The following ST3GAL1 variants were observed in gnomAD, a reference collection of about 807,000 sequenced individuals.
The protein encoded by ST3GAL1 is CMP-N-acetylneuraminate-beta-galactosamide-alpha-2,3-sialyltransferase 1.
In ST3GAL1, 16 loss-of-function variants were observed where a neutral mutation model predicts 34.1. The observed-to-expected ratio is 0.47, with a 90% CI of 0.32 to 0.71. The LOEUF (loss-of-function observed/expected upper bound fraction) is 0.71. Among genes scored for constraint, ST3GAL1 ranks in the 30% least tolerant of loss-of-function variants. The pLI is 0.04. For synonymous variants in ST3GAL1, 191 were observed against 184.7 expected, an observed-to-expected ratio of 1.03 and a Z score of -0.28; for missense variants, 353 against 447.4, an observed-to-expected ratio of 0.79 and a Z score of 1.90.
intron 1 of ST3GAL1, among the ~76,000 whole-genome samples, chr8:133,551,136 A>C (rs1818823615): frequency 6.6e-6 from 1 of 152,148 alleles, no homozygotes. Context: ...GCCTGCTTCT[A>C]GGTGTGCCCC....
intron 1 of ST3GAL1, among the ~76,000 whole-genome samples, chr8:133,564,482 C>G (rs1385970770): frequency 6.6e-6 from 1 of 150,606 alleles, no homozygotes; most frequent in Admixed American, 6.7e-5. Flanking sequence ...TCTTGTCATT[C>G]TCTCCTTTGG....
Position 133,556,188 on chromosome 8 carries a change from G to C in ST3GAL1, c.-581-10262C>G, listed in dbSNP as rs989113004. ...TAGGATTGCAGGCATGAGCCACCAT[G>C]CCCAGCTTGTTTTTTCTTTTTGAAT... On this transcript the variant is annotated intron_variant, in intron 1 of 9. Coordinates refer to ENST00000522652, the MANE Select transcript of ST3GAL1 (RefSeq NM_173344.3). This position sits in a 1 kb window ranked among gnomAD's most constrained non-coding sequence, Gnocchi z 8.9. 6.6e-6 allele frequency among the ~76,000 whole-genome samples: 1 copy of C among 152,080 alleles called. No individual in the cohort carries two copies. The highest frequency in any genetic ancestry group is 1.5e-5 in the Non-Finnish European group (1 of 68,010).
intron 5 of ST3GAL1, among the ~76,000 whole-genome samples, chr8:133,472,082 T>A (rs1815984430): frequency 6.6e-6 from 1 of 151,628 alleles, no homozygotes; most frequent in South Asian, 2.1e-4. Context: ...GAGGAGAGGG[T>A]CACAGGGGTC....
intron 7 of ST3GAL1, among the ~76,000 whole-genome samples, chr8:133,464,335 T>C (rs1030587491): frequency 2.6e-5 from 4 of 152,192 alleles, no homozygotes; most frequent in Non-Finnish European, 4.4e-5. Context: ...CAGCACTGCT[T>C]GCCCTGGGGA....
intron 2 of ST3GAL1, among the ~76,000 whole-genome samples, chr8:133,512,449 G>T (rs1294700206): frequency 2.0e-5 from 3 of 152,202 alleles, no homozygotes; most frequent in African/African-American, 7.2e-5. Flanking sequence ...TTGAGGGTGG[G>T]TCTGCCTCTC....
chr8:133,471,128 T>C (rs1190252647), intron 5 of ST3GAL1, among the ~76,000 whole-genome samples: 1 of 152,154 alleles, frequency 6.6e-6, no homozygotes, highest in Non-Finnish European at 1.5e-5. Context: ...CACTGGGGCC[T>C]CACCGCAGGC....
At chr8:133,525,109 C>A (rs996003710) in intron 2 of ST3GAL1, among the ~76,000 whole-genome samples, 1 of 152,224 alleles carries the variant, frequency 6.6e-6, no homozygotes, top group African/African-American at 2.4e-5. Flanking sequence ...GGTATGCAGA[C>A]AACTGGAGGG....
intron 2 of ST3GAL1, among the ~76,000 whole-genome samples, chr8:133,529,901 C>T (rs1003809123): frequency 6.6e-6 from 1 of 152,318 alleles, no homozygotes; most frequent in Admixed American, 6.5e-5. Flanking sequence ...ACCCCGGGCC[C>T]CTCTGCTGCC....
At chr8:133,488,100 G>C (rs760260404) in intron 3 of ST3GAL1, 1 of 152,120 alleles carries the variant, frequency 6.6e-6, no homozygotes, top group Non-Finnish European at 1.5e-5. Context: ...TAGATTTAAT[G>C]TATCAGCAGG....
chr8:133,459,753 C>T lies in ST3GAL1; in HGVS notation c.*11G>A, dbSNP rs1300707473. ...GTGTGACAGTGCGTCCATCCTCAGC[C>T]CTTCACTGCGTCATCTCCCCTTGAA... On this transcript the variant is annotated 3_prime_UTR_variant, in exon 10 of 10. Coordinates refer to ENST00000522652, the MANE Select transcript of ST3GAL1 (RefSeq NM_173344.3). The surrounding 1 kb of genome is among the most constrained non-coding windows in gnomAD (Gnocchi z 4.7). The T allele has an allele frequency of 1.2e-6, 2 of 1,605,404 alleles. No individual in the cohort carries two copies. The highest frequency in any genetic ancestry group is 1.7e-6 in the Non-Finnish European group (2 of 1,174,622).
chr8:133,556,575 G>C lies in ST3GAL1; in HGVS notation c.-581-10649C>G, dbSNP rs144854369. Among the ~76,000 whole-genome samples the C allele has an allele frequency of 6.6e-6, 1 of 152,292 alleles. No individual in the cohort carries two copies. The highest frequency in any genetic ancestry group is 2.4e-5 in the African/African-American group (1 of 41,554). On this transcript the variant is annotated intron_variant, in intron 1 of 9. Transcript: ENST00000522652. The surrounding 1 kb of genome is among the most constrained non-coding windows in gnomAD (Gnocchi z 8.9). ...TTCTAAGCAACCTCAGCTAATGAAG[G>C]CTGCATAACTATGTACTTTCGAACA...
chr8:133,511,504 TATC>T (rs1563721137), intron 2 of ST3GAL1, among the ~76,000 whole-genome samples: 1 of 152,192 alleles, frequency 6.6e-6, no homozygotes, highest in South Asian at 2.1e-4. Flanking sequence ...GTAGGTGACT[TATC>T]ATCTCTCCAT....
rs750363566 is a variant in ST3GAL1, at chr8:133,475,933, G to A, written c.92C>T (p.Thr31Ile). 1.2e-6 allele frequency: 2 copies of A among 1,613,932 alleles called. No homozygotes were observed. The highest frequency in any genetic ancestry group is 2.2e-5 in the South Asian group (2 of 91,084). ...GGGGAACCAGGTGGTGGCCACCATGGTGTGGGAGTAGTTCAGGAAGAAGGA... is the reference window on the plus strand; with the variant it reads ...GGGGAACCAGGTGGTGGCCACCATGATGTGGGAGTAGTTCAGGAAGAAGGA... ...LTSFFLNYSH[T>I]MVATTWFPKQ... Residue 31 changes from threonine (T) to isoleucine (I), a missense_variant, in exon 5 of 10, where the codon ACC becomes ATC. Physicochemically the swap from Thr to Ile is moderately conservative, Grantham distance 89. Transcript: ENST00000522652.
At chr8:133,549,295 G>A (rs141747379) in intron 1 of ST3GAL1, among the ~76,000 whole-genome samples, 6 of 151,954 alleles carry the variant, frequency 3.9e-5, no homozygotes, top group South Asian at 2.1e-4. Context: ...CCAGCTACTC[G>A]GGAGGCTGAG....
intron 2 of ST3GAL1, among the ~76,000 whole-genome samples, chr8:133,518,925 G>A (rs1392456017): frequency 6.6e-6 from 1 of 152,198 alleles, no homozygotes; most frequent in Non-Finnish European, 1.5e-5. Flanking sequence ...AGGCTCTGGA[G>A]GAGAATCTGT....
chr8:133,559,083 A>T (rs2131103852), intron 1 of ST3GAL1, among the ~76,000 whole-genome samples: 1 of 152,024 alleles, frequency 6.6e-6, no homozygotes, highest in South Asian at 2.1e-4. Flanking sequence ...GTCCTAAGCC[A>T]CTGGGACAGG....
intron 7 of ST3GAL1, 48 bp downstream of exon 7, chr8:133,464,730 C>A: frequency 6.4e-7 from 1 of 1,559,490 alleles, no homozygotes; most frequent in South Asian, 1.2e-5. Context: ...GGACAGGGTG[C>A]CACTGCAAGG....
chr8:133,563,324 C>G (rs181107311), intron 1 of ST3GAL1, among the ~76,000 whole-genome samples: 6 of 152,212 alleles, frequency 3.9e-5, no homozygotes, highest in Admixed American at 2.6e-4. Context: ...CTCAACTTTT[C>G]TGAATTATTG....
At chr8:133,480,665 C>T (rs980806142) in intron 3 of ST3GAL1, among the ~76,000 whole-genome samples, 1 of 152,206 alleles carries the variant, frequency 6.6e-6, no homozygotes, top group Non-Finnish European at 1.5e-5. Flanking sequence ...CCAGAGAAGG[C>T]AAGTGACTTA....
Sources: gnomAD v4.1 joint callset for allele counts (sites outside exome capture counted in the v4.1 genomes callset) on GRCh38, gnomAD v4.1.1 for gene constraint, Gnocchi (gnomAD v3.1) non-coding constraint, MANE v1.5 for transcripts, NCBI Gene and HGNC (gene_info 2026-07-23, HGNC 2026-07-21) for gene names.